WDR44: variants seen among roughly 807,000 people sequenced by gnomAD.
WDR44 encodes WD repeat domain 44, also known as WD repeat-containing protein 44.
A neutral mutation model predicts 65.7 loss-of-function variants in WDR44; 9 were observed. The observed-to-expected ratio is 0.14, with a 90% CI of 0.08 to 0.24. The LOEUF (loss-of-function observed/expected upper bound fraction) is 0.24, where lower values mean the gene tolerates loss of function less well. Ranked by LOEUF, WDR44 falls within the 10% of genes least tolerant of loss-of-function variation. The pLI is 1.00. For synonymous variants in WDR44, 220 were observed against 235.2 expected, an observed-to-expected ratio of 0.94 and a Z score of 0.59; for missense variants, 425 against 670.9, an observed-to-expected ratio of 0.63 and a Z score of 4.05.
At chrX:118,377,019 C>T (rs1209495618) in intron 1 of WDR44, among the ~76,000 whole-genome samples, 1 of 109,205 alleles carries the variant, frequency 9.2e-6, no homozygotes, top group African/African-American at 3.3e-5. Context: ...ATATGTATTA[C>T]ATCCAGAGTA....
intron 5 of WDR44, among the ~76,000 whole-genome samples, chrX:118,394,732 G>A (rs959477279): frequency 1.8e-5 from 2 of 111,414 alleles, no homozygotes; most frequent in African/African-American, 6.5e-5. Context: ...CTAGAATATA[G>A]GACACTATAG....
rs2057313838 is a variant in WDR44 at position 118,442,800 on chromosome X, T to C, written c.2384+120T>C. On this transcript the variant is annotated intron_variant, in intron 17 of 19. Coordinates refer to ENST00000254029, the MANE Select transcript of WDR44 (RefSeq NM_019045.5). ...CTTTTCACTTTTGCAAGTAGTAGTT[T>C]ATTATCATGCAATACGTACCTTGTC... 2.1e-5 allele frequency: 11 copies of C among 530,163 alleles called. No homozygotes were observed. In the South Asian group the frequency reaches 3.5e-4, roughly 17 times the overall value. The allele number at this position is 530,163 out of a possible 1,213,427, so 43.7% of individuals were successfully genotyped here. A position where few individuals can be genotyped will look rare whatever the true frequency, so the allele number is the denominator to read the frequency against.
Position 118,346,996 on chromosome X carries a change from A to G in WDR44, c.77+416A>G, listed in dbSNP as rs147888507. Among the ~76,000 whole-genome samples the G allele has an allele frequency of 1.1e-4, 12 of 111,406 alleles. No individual in the cohort carries two copies. In the East Asian group the frequency reaches 3.1e-3, roughly 29 times the overall value. ...GGAGAAATGTAACTTGTAGTTTTTT[A>G]TTCTCCCGTTTACCGCTAACTTACC... On this transcript the variant is annotated intron_variant, in intron 1 of 19. Transcript: ENST00000254029.
chrX:118,389,675 G>C (rs1462181735), intron 3 of WDR44, among the ~76,000 whole-genome samples: 1 of 95,954 alleles, frequency 1.0e-5, no homozygotes, highest in Non-Finnish European at 2.0e-5. Flanking sequence ...AGCTGAAATT[G>C]CGCCACTGCA....
chrX:118,367,748 G>A (rs1294229941), intron 1 of WDR44, among the ~76,000 whole-genome samples: 2 of 111,322 alleles, frequency 1.8e-5, no homozygotes, highest in South Asian at 3.8e-4. Context: ...TAATTTAACC[G>A]ATGGCATAAT....
chrX:118,447,219 T>C (rs1469553713), intron 19 of WDR44: 4 of 193,256 alleles, frequency 2.1e-5, no homozygotes, highest in Non-Finnish European at 3.9e-5. Context: ...CTTTTTACAT[T>C]CCATATACTT....
intron 8 of WDR44, 87 bp from the exon 9 acceptor site, chrX:118,404,251 C>G: frequency 4.8e-6 from 3 of 631,383 alleles, no homozygotes. Flanking sequence ...AAGTAGTGTA[C>G]TTTATCAGTC....
intron 12 of WDR44, among the ~76,000 whole-genome samples, chrX:118,415,514 C>T (rs942512165): frequency 9.0e-6 from 1 of 111,294 alleles, no homozygotes; most frequent in African/African-American, 3.3e-5. Context: ...TGGTCCTGGA[C>T]TTTTTTTGAG....
At chrX:118,381,054 A>G (rs2056710501) in intron 2 of WDR44, among the ~76,000 whole-genome samples, 1 of 112,277 alleles carries the variant, frequency 8.9e-6, no homozygotes, top group Admixed American at 9.5e-5. Flanking sequence ...CCAGATTGTG[A>G]TGAGCCTTGA....
At chrX:118,405,609 G>A (rs1448883904) in intron 9 of WDR44, among the ~76,000 whole-genome samples, 1 of 111,243 alleles carries the variant, frequency 9.0e-6, no homozygotes, top group Non-Finnish European at 1.9e-5. Context: ...CAAAGCTCTG[G>A]GATTACAAGC....
At chrX:118,448,436 T>C (rs1466884796) in intron 19 of WDR44, among the ~76,000 whole-genome samples, 5 of 112,019 alleles carry the variant, frequency 4.5e-5, no homozygotes, top group African/African-American at 1.6e-4. Flanking sequence ...CTTCATTTCA[T>C]GGCAGTTTCA....
chrX:118,378,477 T>A, intron 2 of WDR44, 25 bp downstream of exon 2: 1 of 1,185,098 alleles, frequency 8.4e-7, no homozygotes, highest in Non-Finnish European at 1.1e-6. Flanking sequence ...CTGAAAGTTA[T>A]GTTTTTAGAA....
At chrX:118,417,095 C>T (rs2057064181) in intron 12 of WDR44, among the ~76,000 whole-genome samples, 1 of 111,887 alleles carries the variant, frequency 8.9e-6, no homozygotes, top group Non-Finnish European at 1.9e-5. Context: ...CTGAAGACAG[C>T]AGATAGTTGG....
intron 1 of WDR44, among the ~76,000 whole-genome samples, chrX:118,369,448 G>A (rs2056588844): frequency 9.6e-6 from 1 of 103,996 alleles, no homozygotes; most frequent in African/African-American, 3.5e-5. Context: ...TGGGATTACA[G>A]GTGTGAGCCA....
intron 13 of WDR44, among the ~76,000 whole-genome samples, 192 bp downstream of exon 13, chrX:118,433,086 C>T (rs182034878): frequency 1.4e-3 from 152 of 111,540 alleles, no homozygotes; most frequent in African/African-American, 4.7e-3. Context: ...AGGTATTAAT[C>T]ACATGTACAG....
intron 3 of WDR44, among the ~76,000 whole-genome samples, chrX:118,389,054 GA>G (rs1163222851): frequency 2.7e-5 from 3 of 111,840 alleles, no homozygotes; most frequent in African/African-American, 9.7e-5. Context: ...AGTTAGTGGG[GA>G]AAAAAGATGA....
intron 1 of WDR44, among the ~76,000 whole-genome samples, chrX:118,371,325 A>C (rs1477565646): frequency 1.8e-5 from 2 of 111,347 alleles, no homozygotes; most frequent in Non-Finnish European, 3.8e-5. Context: ...AGGAATGGGA[A>C]AATATTAGTC....
chrX:118,398,129 C>G (rs2056881321), intron 7 of WDR44, among the ~76,000 whole-genome samples: 1 of 111,605 alleles, frequency 9.0e-6, no homozygotes, highest in Admixed American at 9.5e-5. Flanking sequence ...CCCAAGTACT[C>G]AGGAGGCTGA....
intron 12 of WDR44, among the ~76,000 whole-genome samples, chrX:118,424,323 GTA>G (rs1171699587): frequency 0.076 from 4,944 of 65,437 alleles, 186 homozygotes; most frequent in Non-Finnish European, 0.094. Context: ...GTGTGTGTGT[GTA>G]TATATATATA....
Sources: gnomAD v4.1 joint callset for allele counts (sites outside exome capture counted in the v4.1 genomes callset) on GRCh38, gnomAD v4.1.1 for gene constraint, MANE v1.5 for transcripts, NCBI Gene and HGNC (gene_info 2026-07-23, HGNC 2026-07-21) for gene names.